The following RNF213 variants were observed in gnomAD, a reference collection of about 807,000 sequenced individuals.
The protein encoded by RNF213 is E3 ubiquitin-protein ligase RNF213.
Under a neutral mutation model 514.4 loss-of-function variants are expected in RNF213, and 341 were observed. That is an observed-to-expected ratio of 0.66 (90% confidence interval 0.61 to 0.73). The LOEUF is 0.73. Among genes scored for constraint, RNF213 ranks in the 30% least tolerant of loss-of-function variants. RNF213 has a pLI of 0.00. For synonymous variants in RNF213, 2,655 were observed against 2,658.2 expected, an observed-to-expected ratio of 1.00 and a Z score of 0.04; for missense variants, 5,767 against 6,615.6, an observed-to-expected ratio of 0.87 and a Z score of 4.45.
Position 80,343,834 on chromosome 17 carries a change from AC to A in RNF213, c.6184-21del, listed in dbSNP as rs776643728. 4 of 1,613,914 alleles carry A rather than the reference AC, an allele frequency of 2.5e-6. No homozygotes were observed. Among genetic ancestry groups the A allele is most frequent in the Non-Finnish European group, 3.4e-6 (4 of 1,179,906 alleles). On this transcript the variant is annotated intron_variant, in intron 27 of 67. Coordinates refer to ENST00000582970, the MANE Select transcript of RNF213 (RefSeq NM_001256071.3). This position sits in a 1 kb window ranked among gnomAD's most constrained non-coding sequence, Gnocchi z 4.3. ...ACTCGCCATCGTGTCGTGTGTTTAC[AC>A]CTCGTGCGATTCTGTTCTTAGGTGC...
In RNF213 at chr17:80,339,424, G is replaced by A; in HGVS notation, c.5057G>A (p.Ser1686Asn). The change falls in exon 26 of 68, where the codon AGC becomes AAC. Residue 1686 changes from serine to asparagine, a missense_variant. By Grantham distance (46) the Ser-to-Asn change is conservative (BLOSUM62 1). Coordinates refer to ENST00000582970, the MANE Select transcript of RNF213 (RefSeq NM_001256071.3). ...LCRQMEHFLDSWKRFVTQKRM... is the reference protein window; with the variant it reads ...LCRQMEHFLDNWKRFVTQKRM... ...AGGCAGATGGAGCACTTCCTTGACA[G>A]CTGGAAGAGATTTGTGACCCAGAAG... 6.5e-7 allele frequency: 1 copy of A among 1,537,288 alleles called. No individual in the cohort carries two copies. Among genetic ancestry groups the A allele is most frequent in the Non-Finnish European group, 8.7e-7 (1 of 1,146,914 alleles).
intron 62 of RNF213, 114 bp from the exon 63 acceptor site, chr17:80,386,576 G>A (rs1420386558): frequency 1.4e-6 from 2 of 1,428,718 alleles, no homozygotes; most frequent in Admixed American, 1.7e-5. Context: ...CCCATACTTG[G>A]GTAGGGTTTT....
At chr17:80,307,291 C>G (rs1568041579) in intron 13 of RNF213, 90 bp downstream of exon 13, 1 of 1,007,500 alleles carries the variant, frequency 9.9e-7, no homozygotes, top group South Asian at 1.3e-5. Flanking sequence ...CCCACATGTG[C>G]TGTTGTAACA....
In RNF213 at chr17:80,346,033, C is replaced by T; in HGVS notation, c.7698C>T (p.Tyr2566=). Reference sequence around the variant, plus strand: ...CCATTCCTCTGAGGCAGCTGGTATACCGGGTCCATGCTCTGCCCCCGAGCC... The same window carrying T: ...CCATTCCTCTGAGGCAGCTGGTATATCGGGTCCATGCTCTGCCCCCGAGCC... ...LGSIPLRQLV[Y]RVHALPPSLI... The change falls in exon 29 of 68, where the codon TAC becomes TAT. Residue 2566 remains tyrosine, a synonymous_variant. Transcript: ENST00000582970. The surrounding 1 kb of genome is among the most constrained non-coding windows in gnomAD (Gnocchi z 8.1). The T allele has an allele frequency of 1.9e-6, 3 of 1,614,190 alleles. No homozygotes were observed. The highest frequency in any genetic ancestry group is 2.5e-6 in the Non-Finnish European group (3 of 1,180,040).
chr17:80,354,226 G>A, intron 35 of RNF213, 60 bp downstream of exon 35: 1 of 1,585,578 alleles, frequency 6.3e-7, no homozygotes, highest in Admixed American at 1.7e-5. Context: ...TGAGGAGTGG[G>A]CATCATTTCA....
chr17:80,324,941 T>C lies in RNF213; in HGVS notation c.3025-89T>C, dbSNP rs2143894269. On this transcript the variant is annotated intron_variant, in intron 17 of 67. Coordinates refer to ENST00000582970, the MANE Select transcript of RNF213 (RefSeq NM_001256071.3). ...AACAAGTTACAGTAGATTTCAGAAA[T>C]GCTATCGAGTAGGTAATTTGCTTTT... is the stretch of plus-strand genomic sequence containing the variant. The C allele has an allele frequency of 2.4e-6, 3 of 1,232,152 alleles. No homozygotes were observed. In the East Asian group the frequency reaches 7.6e-5, roughly 31 times the overall value. The allele number at this position is 1,232,152 out of a possible 1,614,324, so 76.3% of individuals were successfully genotyped here. A position where few individuals can be genotyped will look rare whatever the true frequency, so the allele number is the denominator to read the frequency against.
chr17:80,307,362 GTT>G (rs58826434), intron 13 of RNF213, among the ~76,000 whole-genome samples, 161 bp downstream of exon 13: 2 of 113,694 alleles, frequency 1.8e-5, no homozygotes, highest in East Asian at 2.6e-4. Context: ...ATTGTCGTCT[GTT>G]TTTTTTTTTT....
intron 3 of RNF213, among the ~76,000 whole-genome samples, chr17:80,278,213 C>A (rs572152576): frequency 1.4e-4 from 21 of 152,298 alleles, no homozygotes; most frequent in African/African-American, 5.1e-4. Context: ...TCCTGCTGGG[C>A]GTCTTGCTGT....
intron 26 of RNF213, chr17:80,341,518 G>C (rs1324810578): frequency 6.6e-6 from 1 of 152,086 alleles, no homozygotes; most frequent in Non-Finnish European, 1.5e-5. Flanking sequence ...AACACATAAT[G>C]ACATTTCAGT....
chr17:80,295,126 G>A, intron 9 of RNF213, 123 bp downstream of exon 9: 9 of 1,121,524 alleles, frequency 8.0e-6, no homozygotes, highest in Non-Finnish European at 1.2e-5. Flanking sequence ...GAACTTTCCA[G>A]CCTTTTCTCC....
intron 6 of RNF213, among the ~76,000 whole-genome samples, chr17:80,290,277 G>A (rs1038635517): frequency 6.6e-6 from 1 of 152,238 alleles, no homozygotes; most frequent in Non-Finnish European, 1.5e-5. Flanking sequence ...CGAACACAAG[G>A]ACCATGTGCC....
chr17:80,347,695 C>G lies in RNF213; in HGVS notation c.9360C>G (p.Tyr3120Ter). ...ESLYDALNQY[Y>*]VHLGGQKYVD... ...TCTACGACGCACTCAACCAGTACTACGTCCACCTCGGCGGCCAGAAGTACG... is the reference window on the plus strand; with the variant it reads ...TCTACGACGCACTCAACCAGTACTAGGTCCACCTCGGCGGCCAGAAGTACG... Residue 3120 changes from tyrosine (Y) to a stop codon, truncating the protein, a stop_gained, in exon 29 of 68, where the codon TAC becomes TAG. Transcript: ENST00000582970. LOFTEE classifies it high-confidence loss of function. This position sits in a 1 kb window ranked among gnomAD's most constrained non-coding sequence, Gnocchi z 7.2. The G allele has an allele frequency of 6.2e-7, 1 of 1,614,014 alleles. No homozygotes were observed. Among genetic ancestry groups the G allele is most frequent in the Non-Finnish European group, 8.5e-7 (1 of 1,179,904 alleles).
intron 46 of RNF213, among the ~76,000 whole-genome samples, chr17:80,370,741 G>A (rs1014000967): frequency 2.6e-5 from 4 of 152,134 alleles, no homozygotes; most frequent in South Asian, 2.1e-4. Flanking sequence ...GTTATCAGCC[G>A]GCTGCTGTGT....
chr17:80,290,337 A>G (rs2044650450), intron 6 of RNF213, among the ~76,000 whole-genome samples: 1 of 149,198 alleles, frequency 6.7e-6, no homozygotes, highest in Non-Finnish European at 1.5e-5. Context: ...GTGTGTGCGC[A>G]CGTGTGTGCG....
rs1599099343 is a variant in RNF213 at position 80,354,103 on chromosome 17, A to G, written c.10663A>G (p.Thr3555Ala). 6.2e-7 allele frequency: 1 copy of G among 1,614,100 alleles called. No homozygotes were observed. The highest frequency in any genetic ancestry group is 2.2e-5 in the East Asian group (1 of 44,876). The change falls in exon 35 of 68, where the codon ACG (threonine) becomes GCG (alanine). Residue 3555 changes from threonine (T) to alanine (A), a missense_variant. This residue lies in a region of RNF213 where 919 missense variants were observed against 1,121.0 expected (regional missense o/e 0.82). Coordinates refer to ENST00000582970, the MANE Select transcript of RNF213 (RefSeq NM_001256071.3). ...GMLRDQNESC[T>A]RNMRRVVLLL... is the part of the protein sequence containing the mutation. ...GCTCAGAGACCAGAACGAGAGCTGC[A>G]CGCGCAATATGCGGAGGGTGGTGCT...
In RNF213 at chr17:80,389,149, C is replaced by T. The variant is rs371696654; in HGVS notation, c.15001-24C>T. ...GCCAGAAACCCAGCCCACAGACATC[C>T]CTCTCCTGCTTTTCATTTCCCAGGA... On this transcript the variant is annotated intron_variant, in intron 64 of 67. Transcript: ENST00000582970. The T allele has an allele frequency of 8.7e-6, 14 of 1,610,770 alleles. No individual in the cohort carries two copies. The East Asian group carries it at 8.9e-5, about 10-fold the overall frequency.
rs1237962194 is a variant in RNF213 at position 80,398,775 on chromosome 17, A to G, written c.*5277A>G. 2.6e-5 allele frequency: 4 copies of G among 152,208 alleles called. No homozygotes were observed. The East Asian group carries it at 7.7e-4, about 29-fold the overall frequency. The allele number at this position is 152,208 out of a possible 1,614,324, so 9.4% of individuals were successfully genotyped here. On this transcript the variant is annotated 3_prime_UTR_variant, in exon 68 of 68. Transcript: ENST00000582970. Reference sequence around the variant, plus strand: ...TCAAAGAGAAAGAGACAGAAAATCAAGAGGAAAAAAAGAAAAAAAGAGATA... The same window carrying G: ...TCAAAGAGAAAGAGACAGAAAATCAGGAGGAAAAAAAGAAAAAAAGAGATA...
intron 54 of RNF213, chr17:80,379,339 A>G (rs2079891459): frequency 3.5e-5 from 16 of 457,144 alleles, no homozygotes; most frequent in South Asian, 2.9e-4. Context: ...CAAGAAAGGA[A>G]GGTTGAATTT....
chr17:80,348,684 C>T (rs1297318784), intron 29 of RNF213, among the ~76,000 whole-genome samples: 2 of 152,194 alleles, frequency 1.3e-5, no homozygotes, highest in Non-Finnish European at 2.9e-5. Context: ...TTAGAGGCAG[C>T]GGGGAGCGGT....
Sources: allele counts gnomAD v4.1 joint callset (sites outside exome capture counted in the v4.1 genomes callset), GRCh38; gene constraint gnomAD v4.1.1; regional missense constraint gnomAD v4.1.1; non-coding constraint Gnocchi (gnomAD v3.1); transcripts MANE v1.5; gene names NCBI Gene and HGNC (gene_info 2026-07-23, HGNC 2026-07-21).